The following CHST15 variants were observed in gnomAD, a reference collection of about 807,000 sequenced individuals.
The protein encoded by CHST15 is carbohydrate sulfotransferase 15, also known as B cell RAG associated protein (GALNAC4S-6ST).
In CHST15, 30 loss-of-function variants were observed where a neutral mutation model predicts 53.6. That is an observed-to-expected ratio of 0.56 (90% CI 0.42 to 0.76). The LOEUF (loss-of-function observed/expected upper bound fraction) is 0.76, where lower values mean the gene tolerates loss of function less well. CHST15 is among the 30% of genes least tolerant of loss of function. CHST15 has a pLI of 0.00. For missense variants in CHST15, 627 were observed against 740.5 expected (o/e 0.85, Z 1.78); for synonymous variants, 296 against 289.8 (o/e 1.02, Z -0.22).
At position 124,062,926 on chromosome 10, in the gene CHST15, GC is replaced by G. The variant is rs145623218; in HGVS notation, c.-512-16203del. On this transcript the variant is annotated intron_variant, in intron 1 of 7. Transcript: ENST00000435907. ...GTTTCCCATTTTCAAGAGTTGGGGG[GC>G]TTGGCTAAAGCTGCATGCAGACCAG... is the stretch of plus-strand genomic sequence containing the variant. 6.3e-3 allele frequency among the ~76,000 whole-genome samples: 957 copies of G among 152,154 alleles called. 13 individuals are homozygous for G. The highest frequency in any genetic ancestry group is 0.021 in the African/African-American group (862 of 41,498).
chr10:124,091,310 G>A (rs1949593886), intron 1 of CHST15, among the ~76,000 whole-genome samples: 1 of 152,176 alleles, frequency 6.6e-6, no homozygotes, highest in African/African-American at 2.4e-5. Context: ...GGAAGGGAGG[G>A]TTCCTGATTT....
At position 124,011,467 on chromosome 10, in the gene CHST15, T is replaced by C. The variant is rs148823926; in HGVS notation, c.1495+866A>G. ...ATGATCAAAGAGGCCCAAGTCCCAG[T>C]GGCAGGCAGATATATTTTCAGAAAT... On this transcript the variant is annotated intron_variant, in intron 7 of 7. Transcript: ENST00000435907. 2.5e-4 allele frequency: 248 copies of C among 985,436 alleles called. 4 individuals are homozygous for C. The East Asian group carries it at 0.015, about 58-fold the overall frequency. The allele number at this position is 985,436 out of a possible 1,614,324, so 61.0% of individuals were successfully genotyped here.
chr10:124,035,130 A>ACCC (rs529864290), intron 5 of CHST15, among the ~76,000 whole-genome samples: 1 of 128,014 alleles, frequency 7.8e-6, no homozygotes, highest in African/African-American at 3.3e-5. Context: ...CCTAACAGGG[A>ACCC]CCCCGGCTCC....
At position 124,077,169 on chromosome 10, in the gene CHST15, G is replaced by C. The variant is rs181064573; in HGVS notation, c.-513+16300C>G. 1.4e-3 allele frequency among the ~76,000 whole-genome samples: 209 copies of C among 152,322 alleles called. 1 individual carries two copies. The highest frequency in any genetic ancestry group is 2.3e-3 in the Non-Finnish European group (158 of 68,034). ...ATTCCTGGTATATGTTAGAGCCAAA[G>C]AACAGATACTTAGAGAACGGCATTC... is the stretch of plus-strand genomic sequence containing the variant. On this transcript the variant is annotated intron_variant, in intron 1 of 7. Transcript: ENST00000435907.
chr10:124,033,806 T>C (rs1201521025), intron 5 of CHST15, among the ~76,000 whole-genome samples: 1 of 152,168 alleles, frequency 6.6e-6, no homozygotes. Flanking sequence ...TCAAGCATAT[T>C]GACGACCCCC....
chr10:124,045,112 CAAAAAAAAA>C (rs758243657), intron 2 of CHST15, among the ~76,000 whole-genome samples, 193 bp from the exon 3 acceptor site: 1,650 of 33,584 alleles, frequency 0.049, 11 homozygotes, highest in African/African-American at 0.078. Flanking sequence ...CGCCGCCCCA[CAAAAAAAAA>C]AAAAAAAAAA....
At chr10:124,064,269 T>C (rs1948683746) in intron 1 of CHST15, among the ~76,000 whole-genome samples, 1 of 152,108 alleles carries the variant, frequency 6.6e-6, no homozygotes, top group Admixed American at 6.5e-5. Context: ...CTGGTTTCTG[T>C]TTCGGAAAAG....
At chr10:124,011,037 C>T in intron 7 of CHST15, 4 of 983,438 alleles carry the variant, frequency 4.1e-6, no homozygotes, top group Non-Finnish European at 4.8e-6. Context: ...ACGCCCCGCC[C>T]TCTGGAGTGA....
intron 1 of CHST15, among the ~76,000 whole-genome samples, chr10:124,080,916 C>T (rs780666509): frequency 2.6e-4 from 39 of 152,186 alleles, no homozygotes; most frequent in Non-Finnish European, 5.3e-4. Flanking sequence ...TTGAATAAGA[C>T]ACATTTCCTG....
At chr10:124,075,635 A>G (rs934590365) in intron 1 of CHST15, among the ~76,000 whole-genome samples, 1 of 152,110 alleles carries the variant, frequency 6.6e-6, no homozygotes. Context: ...CTCCCTTCCA[A>G]TAAAAAAGTA....
chr10:124,085,005 T>C (rs143272862), intron 1 of CHST15, among the ~76,000 whole-genome samples: 6 of 152,346 alleles, frequency 3.9e-5, no homozygotes, highest in Non-Finnish European at 8.8e-5. Context: ...CCTGCTTTCT[T>C]GTAATCCTGG....
Position 124,044,641 on chromosome 10 carries a change from C to T in CHST15, c.825G>A (p.Leu275=). ...TGGCGGAGAACTTGACCTCAGGGTG[C>T]AGCCGCAGGCGGTCATAGAGGTCTG... The part of the protein sequence containing the change: ...GTTDLYDRLR[L]HPEVKFSAIK... Residue 275 remains leucine (L), a synonymous_variant, in exon 3 of 8, where the codon CTG becomes CTA. Transcript: ENST00000435907. The T allele has an allele frequency of 1.2e-6, 2 of 1,600,156 alleles. No individual in the cohort carries two copies. Among genetic ancestry groups the T allele is most frequent in the Admixed American group, 1.7e-5 (1 of 58,132 alleles).
rs1383575171 is a variant in CHST15 at position 124,011,494 on chromosome 10, C to G, written c.1495+839G>C. 3.0e-6 allele frequency: 3 copies of G among 985,290 alleles called. No individual in the cohort carries two copies. The Admixed American group carries it at 1.8e-4, about 61-fold the overall frequency. 61.0% of individuals were successfully genotyped at this position (985,290 alleles called of 1,614,324 possible). On this transcript the variant is annotated intron_variant, in intron 7 of 7. Transcript: ENST00000435907. Reference sequence around the variant, plus strand: ...GCAGGCAGATATATTTTCAGAAATACTCAATTAACCAAGTTCCCGGGCAAG... The same window carrying G: ...GCAGGCAGATATATTTTCAGAAATAGTCAATTAACCAAGTTCCCGGGCAAG...
At chr10:124,038,482 TCA>T (rs1564872955) in intron 5 of CHST15, 31 bp downstream of exon 5, 1 of 1,604,006 alleles carries the variant, frequency 6.2e-7, no homozygotes, top group South Asian at 1.1e-5. Flanking sequence ...GTTCCTCTTC[TCA>T]CCCCAAATAC....
intron 1 of CHST15, among the ~76,000 whole-genome samples, chr10:124,055,364 T>C (rs984611759): frequency 1.2e-4 from 19 of 152,034 alleles, no homozygotes; most frequent in African/African-American, 4.6e-4. Flanking sequence ...AAGGAGGGGG[T>C]TGGAGGTGAT....
At chr10:124,033,474 G>A (rs1947305781) in intron 5 of CHST15, among the ~76,000 whole-genome samples, 1 of 152,184 alleles carries the variant, frequency 6.6e-6, no homozygotes, top group African/African-American at 2.4e-5. Context: ...CCGGTTCTTG[G>A]TATTCACACC....
At chr10:124,085,443 G>A (rs1670299024) in intron 1 of CHST15, among the ~76,000 whole-genome samples, 2 of 152,094 alleles carry the variant, frequency 1.3e-5, no homozygotes, top group South Asian at 2.1e-4. Flanking sequence ...TTAGACTCTC[G>A]ACTCCTTGGG....
Position 124,021,332 on chromosome 10 carries a change from T to G in CHST15, c.1271A>C (p.Gln424Pro), listed in dbSNP as rs771634024. 6.2e-7 allele frequency: 1 copy of G among 1,613,978 alleles called. No individual in the cohort carries two copies. Among genetic ancestry groups the G allele is most frequent in the African/African-American group, 1.3e-5 (1 of 74,974 alleles). Reference protein sequence around the residue: ...DFHEKVTEALQLFENCMLDYS... With the variant: ...DFHEKVTEALPLFENCMLDYS... ...ATCAAGCATGCAATTTTCAAACAGC[T>G]GCAGTGCTTCTGTCACTTTCTCATG... Residue 424 changes from glutamine (Q) to proline (P), a missense_variant, in exon 6 of 8, where the codon CAG becomes CCG. Coordinates refer to ENST00000435907, the MANE Select transcript of CHST15 (RefSeq NM_001270764.2).
At chr10:124,060,370 G>A (rs534527327) in intron 1 of CHST15, among the ~76,000 whole-genome samples, 8 of 149,480 alleles carry the variant, frequency 5.4e-5, no homozygotes, top group Non-Finnish European at 7.4e-5. Flanking sequence ...TGTCCCCCCC[G>A]AATGTGCGAA....
Sources: allele counts gnomAD v4.1 joint callset (sites outside exome capture counted in the v4.1 genomes callset), GRCh38; gene constraint gnomAD v4.1.1; transcripts MANE v1.5; gene names NCBI Gene and HGNC (gene_info 2026-07-23, HGNC 2026-07-21).